The following GLB1 variants were observed in gnomAD, a reference collection of about 807,000 sequenced individuals.
GLB1 encodes the protein galactosidase beta 1.
A neutral mutation model predicts 74.0 loss-of-function variants in GLB1; 56 were observed. The observed-to-expected ratio is 0.76, with a 90% CI of 0.61 to 0.94. The LOEUF (loss-of-function observed/expected upper bound fraction) is 0.94, where lower values mean the gene tolerates loss of function less well. Ranked by LOEUF, GLB1 falls within the 40% of genes least tolerant of loss-of-function variation. GLB1 has a pLI of 0.00. For missense variants in GLB1, 787 were observed against 845.5 expected, an observed-to-expected ratio of 0.93 and a Z score of 0.86; for synonymous variants, 323 against 323.6, an observed-to-expected ratio of 1.00 and a Z score of 0.02.
the GLB1 span, among the ~76,000 whole-genome samples, chr3:32,981,805 A>G: frequency 1.1e-3 from 172 of 152,150 alleles, 1 homozygote; most frequent in Middle Eastern, 0.014. Flanking sequence ...TTTGCCTGAT[A>G]CTAACAAAGT....
intron 10 of GLB1, among the ~76,000 whole-genome samples, chr3:33,033,645 G>C (rs1025702229): frequency 6.6e-6 from 1 of 152,124 alleles, no homozygotes; most frequent in Non-Finnish European, 1.5e-5. Context: ...GCTAGGTGTG[G>C]TGGCGTGCAC....
chr3:33,073,508 T>C (rs1699965191), intron 1 of GLB1, among the ~76,000 whole-genome samples: 1 of 151,484 alleles, frequency 6.6e-6, no homozygotes, highest in East Asian at 1.9e-4. Context: ...GCCAACATGG[T>C]GAAACCCCAT....
chr3:33,034,534 T>C (rs1187034511), intron 10 of GLB1: 3 of 731,038 alleles, frequency 4.1e-6, no homozygotes, highest in Non-Finnish European at 7.6e-6. Context: ...CCAGCACCAT[T>C]GCCAGCTGCT....
rs200807449 is a variant in GLB1, at chr3:33,037,140, T to C, written c.1068+8980A>G. ...AGGTCACTGCAACCTCTGACTCCCATATTCAAGCGATTCTCCTGCCCCAGT... is the reference window on the plus strand; with the variant it reads ...AGGTCACTGCAACCTCTGACTCCCACATTCAAGCGATTCTCCTGCCCCAGT... On this transcript the variant is annotated intron_variant, in intron 10 of 15. Coordinates refer to ENST00000307363, the MANE Select transcript of GLB1 (RefSeq NM_000404.4). Among the ~76,000 whole-genome samples, 7 of 151,690 alleles carry C rather than the reference T, an allele frequency of 4.6e-5. No individual in the cohort carries two copies. In the East Asian group the frequency reaches 5.8e-4, roughly 13 times the overall value.
chr3:33,087,700 C>T (rs1335965675), intron 1 of GLB1, among the ~76,000 whole-genome samples: 8 of 151,616 alleles, frequency 5.3e-5, no homozygotes, highest in Non-Finnish European at 8.8e-5. Flanking sequence ...AGAATTAATA[C>T]CAATCCTCCT....
At chr3:33,042,233 GA>G (rs1698530136) in intron 10 of GLB1, among the ~76,000 whole-genome samples, 1 of 152,078 alleles carries the variant, frequency 6.6e-6, no homozygotes, top group South Asian at 2.1e-4. Flanking sequence ...TGCTTTAATA[GA>G]ATGCTTTAAC....
At chr3:33,006,927 C>A (rs1396086049) in intron 15 of GLB1, among the ~76,000 whole-genome samples, 2 of 152,138 alleles carry the variant, frequency 1.3e-5, no homozygotes, top group Non-Finnish European at 2.9e-5. Context: ...TTGTCCAACC[C>A]CACACCGCAA....
At chr3:32,993,456 A>T (rs1034918806), downstream of GLB1, among the ~76,000 whole-genome samples, 3 of 151,312 alleles carry the variant, frequency 2.0e-5, no homozygotes, top group African/African-American at 7.3e-5. Context: ...CCCAGGCTCA[A>T]GTGATCCTCC....
At chr3:33,031,634 AAAAAAAATATATATATATATATAT>A (rs1447256613) in intron 10 of GLB1, among the ~76,000 whole-genome samples, 3 of 64,184 alleles carry the variant, frequency 4.7e-5, no homozygotes, top group Non-Finnish European at 9.1e-5. Context: ...AAAAAAAAAA[AAAAAAAATATATATATATATATAT>A]ATATATATAT....
rs752884772 is a variant in GLB1, at chr3:33,046,195, G to A, written c.993C>T (p.Tyr331=). 20 of 1,613,880 alleles carry A rather than the reference G, an allele frequency of 1.2e-5. No homozygotes were observed. The highest frequency in any genetic ancestry group is 6.7e-5 in the East Asian group (3 of 44,888). Residue 331 remains tyrosine (Y), a synonymous_variant, in exon 10 of 16, where the codon TAC becomes TAT. Transcript: ENST00000307363. ...CCTCACTCAGTGGGGCATCATAGTC[G>A]TAGCTGGTGGGCTGTGCTGCATAGG... ...NSPYAAQPTS[Y]DYDAPLSEAG...
intron 1 of GLB1, chr3:33,096,645 C>A: frequency 9.1e-7 from 1 of 1,092,946 alleles, no homozygotes; most frequent in Non-Finnish European, 1.1e-6. Flanking sequence ...CAAACCAGAG[C>A]CGGAGGCACC....
chr3:32,970,863 G>A, the GLB1 span, among the ~76,000 whole-genome samples: 6 of 152,148 alleles, frequency 3.9e-5, no homozygotes, highest in African/African-American at 7.2e-5. Flanking sequence ...TCTGGTTTGA[G>A]GTTCATATTA....
At chr3:33,065,384 G>A in intron 5 of GLB1, 79 bp downstream of exon 5, 1 of 1,509,892 alleles carries the variant, frequency 6.6e-7, no homozygotes, top group Non-Finnish European at 9.0e-7. Context: ...GCTCATGTCT[G>A]CATCACTTCT....
At chr3:33,001,209 G>GTCTTCTC (rs916095730) in intron 15 of GLB1, among the ~76,000 whole-genome samples, 2 of 144,874 alleles carry the variant, frequency 1.4e-5, no homozygotes, top group East Asian at 4.0e-4. Context: ...CCTCCTTCCT[G>GTCTTCTC]TCTTCTCTCT....
At chr3:33,057,221 T>C (rs1322071370) in intron 6 of GLB1, among the ~76,000 whole-genome samples, 1 of 152,246 alleles carries the variant, frequency 6.6e-6, no homozygotes, top group African/African-American at 2.4e-5. Context: ...ATGTAAGACG[T>C]GCCTGCTTTC....
In GLB1 at chr3:33,097,112, C is replaced by T; in HGVS notation, c.-27G>A. ...ACCACCAGCCTCCCGGCTCTGCAGT[C>T]GGCGCCCAGGCCGGCCGCTTCGCGT... On this transcript the variant is annotated 5_prime_UTR_variant, in exon 1 of 16. Transcript: ENST00000307363. The T allele has an allele frequency of 6.2e-7, 1 of 1,610,510 alleles. No individual in the cohort carries two copies.
chr3:33,091,662 G>A, intron 1 of GLB1: 1 of 984,890 alleles, frequency 1.0e-6, no homozygotes. Context: ...CCATTTTAGG[G>A]TTGATGGAAA....
At chr3:33,004,356 A>G (rs1696702129) in intron 15 of GLB1, among the ~76,000 whole-genome samples, 1 of 152,222 alleles carries the variant, frequency 6.6e-6, no homozygotes, top group Admixed American at 6.5e-5. Context: ...AATACTCAAA[A>G]TCGTGAACTA....
At chr3:32,968,817 C>A in the GLB1 span, among the ~76,000 whole-genome samples, 2 of 152,150 alleles carry the variant, frequency 1.3e-5, no homozygotes, top group Admixed American at 1.3e-4. Context: ...GAAAGGGAGG[C>A]CATAGAGGTT....
Sources: allele counts gnomAD v4.1 joint callset (sites outside exome capture counted in the v4.1 genomes callset), GRCh38; gene constraint gnomAD v4.1.1; transcripts MANE v1.5; gene names NCBI Gene and HGNC (gene_info 2026-07-23, HGNC 2026-07-21).